The following CDC42BPA variants were observed in gnomAD, a reference collection of about 807,000 sequenced individuals.
The protein encoded by CDC42BPA is CDC42 binding protein kinase alpha.
CDC42BPA carries 80 observed loss-of-function variants against 223.5 expected under a neutral mutation model. That is an observed-to-expected ratio of 0.36 (90% CI 0.30 to 0.43). The LOEUF is 0.43. Ranked by LOEUF, CDC42BPA falls within the 20% of genes least tolerant of loss-of-function variation. The pLI is 1.00. For missense variants in CDC42BPA, 1,743 were observed against 2,099.9 expected, an observed-to-expected ratio of 0.83 and a Z score of 3.32; for synonymous variants, 694 against 718.6, an observed-to-expected ratio of 0.97 and a Z score of 0.55.
intron 14 of CDC42BPA, among the ~76,000 whole-genome samples, chr1:227,103,644 A>G (rs1046983990): frequency 1.3e-5 from 2 of 152,134 alleles, no homozygotes; most frequent in Non-Finnish European, 2.9e-5. Flanking sequence ...ACTCTTTACT[A>G]AAGTATCACT....
chr1:227,200,736 C>T (rs1440945383), intron 3 of CDC42BPA, among the ~76,000 whole-genome samples: 1 of 152,040 alleles, frequency 6.6e-6, no homozygotes, highest in Non-Finnish European at 1.5e-5. Context: ...AGTAGAAATG[C>T]TAAATGAAAA....
chr1:227,294,099 G>A (rs1185278486), intron 1 of CDC42BPA, among the ~76,000 whole-genome samples: 6 of 151,568 alleles, frequency 4.0e-5, no homozygotes, highest in Non-Finnish European at 7.4e-5. Flanking sequence ...GTGAAACCCC[G>A]TCTCTACTAA....
At position 227,062,253 on chromosome 1, in the gene CDC42BPA, C is replaced by T. The variant is rs117137083; in HGVS notation, c.2904+7524G>A. ...CCCGTAACTCCCTGCTCCCTCCCCCCGCAAGTTCGCTCTGCCTGTCTAGAA... is the reference window on the plus strand; with the variant it reads ...CCCGTAACTCCCTGCTCCCTCCCCCTGCAAGTTCGCTCTGCCTGTCTAGAA... On this transcript the variant is annotated intron_variant, in intron 21 of 36. Coordinates refer to ENST00000366766, the MANE Select transcript of CDC42BPA (RefSeq NM_001394014.1). 2.3e-4 allele frequency among the ~76,000 whole-genome samples: 35 copies of T among 152,278 alleles called. 1 individual carries two copies. The East Asian group carries it at 2.7e-3, about 12-fold the overall frequency.
intron 23 of CDC42BPA, among the ~76,000 whole-genome samples, chr1:227,043,119 A>T (rs1671730231): frequency 6.6e-6 from 1 of 152,192 alleles, no homozygotes; most frequent in Non-Finnish European, 1.5e-5. Context: ...GTTTTAAAGA[A>T]ATTAAATTTT....
chr1:227,219,799 C>G (rs1675516032), intron 2 of CDC42BPA, among the ~76,000 whole-genome samples: 1 of 152,078 alleles, frequency 6.6e-6, no homozygotes, highest in Admixed American at 6.5e-5. Context: ...GTAAGCCCAG[C>G]AGAGATATTT....
chr1:227,134,468 CT>C (rs898098694), intron 10 of CDC42BPA, among the ~76,000 whole-genome samples: 1 of 152,148 alleles, frequency 6.6e-6, no homozygotes, highest in African/African-American at 2.4e-5. Flanking sequence ...CACATTTTCT[CT>C]TTTTCTTGTC....
At chr1:227,315,698 C>A (rs1352726372) in intron 1 of CDC42BPA, among the ~76,000 whole-genome samples, 1 of 152,046 alleles carries the variant, frequency 6.6e-6, no homozygotes, top group Non-Finnish European at 1.5e-5. Context: ...AAAACCAGTA[C>A]CAAAGCCAAA....
intron 16 of CDC42BPA, among the ~76,000 whole-genome samples, chr1:227,091,072 A>T (rs1284922506): frequency 6.6e-6 from 1 of 152,164 alleles, no homozygotes; most frequent in East Asian, 1.9e-4. Context: ...TAGCTTTACT[A>T]GTTCTTCTTT....
chr1:227,288,200 T>G (rs1469113545), intron 1 of CDC42BPA, among the ~76,000 whole-genome samples: 1 of 152,136 alleles, frequency 6.6e-6, no homozygotes, highest in Non-Finnish European at 1.5e-5. Flanking sequence ...CACCCATTAT[T>G]TCCCAATATC....
chr1:227,098,419 G>C (rs1684409502), intron 15 of CDC42BPA, among the ~76,000 whole-genome samples: 1 of 152,074 alleles, frequency 6.6e-6, no homozygotes, highest in Non-Finnish European at 1.5e-5. Context: ...ATCTCCAACT[G>C]AATGTCTAAT....
rs1673494459 is a variant in CDC42BPA at position 227,209,566 on chromosome 1, AG to A, written c.354+3569del. 7.0e-5 allele frequency among the ~76,000 whole-genome samples: 10 copies of A among 143,062 alleles called. No individual in the cohort carries two copies. The South Asian group carries it at 2.0e-3, about 29-fold the overall frequency. The allele number at this position is 143,062 out of a possible 152,430, so 93.9% of individuals were successfully genotyped here. A position where few individuals can be genotyped will look rare whatever the true frequency, so the allele number is the denominator to read the frequency against. ...AATTTATTGAGAGTTTTTAGCATGA[AG>A]GGTTGTTGAATTTTGTCAAAGGCTT... On this transcript the variant is annotated intron_variant, in intron 3 of 36. Coordinates refer to ENST00000366766, the MANE Select transcript of CDC42BPA (RefSeq NM_001394014.1).
At chr1:227,292,943 C>T (rs2148665979) in intron 1 of CDC42BPA, among the ~76,000 whole-genome samples, 1 of 152,250 alleles carries the variant, frequency 6.6e-6, no homozygotes, top group African/African-American at 2.4e-5. Context: ...AAATTGCCCT[C>T]CTTGTTATAT....
intron 11 of CDC42BPA, among the ~76,000 whole-genome samples, chr1:227,125,377 T>C (rs983770092): frequency 6.6e-6 from 1 of 151,662 alleles, no homozygotes; most frequent in African/African-American, 2.4e-5. Context: ...TTTGGAAAGC[T>C]GAGGAGGGCG....
intron 4 of CDC42BPA, among the ~76,000 whole-genome samples, chr1:227,198,453 G>GAA (rs10659956): frequency 1.0e-5 from 1 of 98,852 alleles, no homozygotes; most frequent in African/African-American, 3.7e-5. Context: ...AAAAAAAAAA[G>GAA]AAAAGAAAGA....
At chr1:227,230,090 T>G (rs1014988149) in intron 2 of CDC42BPA, among the ~76,000 whole-genome samples, 1 of 152,230 alleles carries the variant, frequency 6.6e-6, no homozygotes, top group African/African-American at 2.4e-5. Context: ...TACTCTTTAC[T>G]GAAACCTGAA....
chr1:227,168,901 CCTT>C (rs1450619378), intron 5 of CDC42BPA, among the ~76,000 whole-genome samples: 1 of 152,052 alleles, frequency 6.6e-6, no homozygotes, highest in Non-Finnish European at 1.5e-5. Context: ...TCTTTCCTCT[CCTT>C]CTTGATCTCA....
At position 226,991,795 on chromosome 1, in the gene CDC42BPA, T is replaced by C. The variant is rs1326721334; in HGVS notation, c.*2473A>G. 1 of 126,762 alleles carries C rather than the reference T, an allele frequency of 7.9e-6. No individual in the cohort carries two copies. Among genetic ancestry groups the C allele is most frequent in the Non-Finnish European group, 1.9e-5 (1 of 53,290 alleles). 7.9% of individuals were successfully genotyped at this position (126,762 alleles called of 1,614,324 possible). ...TTATTTTGATCTTAAAAGCATCCTT[T>C]GCAAAATAAGCACCTATAAGCAACA... On this transcript the variant is annotated 3_prime_UTR_variant, in exon 37 of 37. Coordinates refer to ENST00000366766, the MANE Select transcript of CDC42BPA (RefSeq NM_001394014.1).
intron 23 of CDC42BPA, among the ~76,000 whole-genome samples, chr1:227,043,654 C>A (rs11808186): frequency 0.15 from 23,487 of 152,020 alleles, 2,202 homozygotes; most frequent in African/African-American, 0.25. Flanking sequence ...CCTTTTCATC[C>A]TTGATGATCC....
chr1:227,110,098 T>C (rs1244475907), intron 14 of CDC42BPA, among the ~76,000 whole-genome samples: 2 of 152,324 alleles, frequency 1.3e-5, no homozygotes, highest in East Asian at 3.9e-4. Context: ...ACTCTGTATC[T>C]GTTAGGTCTA....
Sources: gnomAD v4.1 joint callset for allele counts (sites outside exome capture counted in the v4.1 genomes callset) on GRCh38, gnomAD v4.1.1 for gene constraint, MANE v1.5 for transcripts, NCBI Gene and HGNC (gene_info 2026-07-23, HGNC 2026-07-21) for gene names.